Variants in DELE1 observed in about 807,000 individuals in gnomAD.
The protein encoded by DELE1 is DAP3 binding cell death enhancer 1.
A neutral mutation model predicts 59.3 loss-of-function variants in DELE1; 54 were observed. That is an observed-to-expected ratio of 0.91 (90% CI 0.73 to 1.14). DELE1 has a LOEUF of 1.14. Ranked by LOEUF, DELE1 falls within the 50% of genes most tolerant of loss-of-function variation. The pLI is 0.00. For synonymous variants in DELE1, 264 were observed against 259.1 expected, an observed-to-expected ratio of 1.02 and a Z score of -0.18; for missense variants, 636 against 643.9, an observed-to-expected ratio of 0.99 and a Z score of 0.13.
At chr5:141,937,124 T>C (rs1430383656) in intron 10 of DELE1, 74 bp from the exon 11 acceptor site, 4 of 1,589,692 alleles carry the variant, frequency 2.5e-6, no homozygotes, top group Non-Finnish European at 3.4e-6. Flanking sequence ...TGACTTCATC[T>C]TCCTCCTCCC....
At chr5:141,931,188 A>G (rs991455888) in intron 7 of DELE1, 6 of 152,202 alleles carry the variant, frequency 3.9e-5, no homozygotes, top group Admixed American at 2.6e-4. Flanking sequence ...TTTTGTTTCA[A>G]TCTGGAGAAA....
chr5:141,941,706 G>A lies in DELE1; in HGVS notation c.*2947G>A. 2.0e-6 allele frequency: 2 copies of A among 985,262 alleles called. No individual in the cohort carries two copies. The highest frequency in any genetic ancestry group is 9.4e-5 in the South Asian group (2 of 21,266). 61.0% of individuals were successfully genotyped at this position (985,262 alleles called of 1,614,324 possible). A position where few individuals can be genotyped will look rare whatever the true frequency, so the allele number is the denominator to read the frequency against. ...CCCTATCCGGAGATGCTGTTTTCAGGGAGTCCTGACACTATGATGGGAACA... is the reference window on the plus strand; with the variant it reads ...CCCTATCCGGAGATGCTGTTTTCAGAGAGTCCTGACACTATGATGGGAACA... On this transcript the variant is annotated 3_prime_UTR_variant, in exon 12 of 12. Coordinates refer to ENST00000432126, the MANE Select transcript of DELE1 (RefSeq NM_014773.5).
chr5:141,933,580 C>T (rs1752112763), intron 8 of DELE1, 179 bp downstream of exon 8: 2 of 369,274 alleles, frequency 5.4e-6, no homozygotes, highest in East Asian at 8.4e-5. Context: ...ACTCAAAATT[C>T]AGGGAGGGCA....
chr5:141,941,433 G>A lies in DELE1; in HGVS notation c.*2674G>A. ...GTTGTCAAGGGACCAAAAATCCTTG[G>A]CTGTTCAGTCACTGCGGTCTTGATC... On this transcript the variant is annotated 3_prime_UTR_variant, in exon 12 of 12. Coordinates refer to ENST00000432126, the MANE Select transcript of DELE1 (RefSeq NM_014773.5). 1 of 985,278 alleles carries A rather than the reference G, an allele frequency of 1.0e-6. No homozygotes were observed. Among genetic ancestry groups the A allele is most frequent in the Non-Finnish European group, 1.2e-6 (1 of 829,768 alleles). 61.0% of individuals were successfully genotyped at this position (985,278 alleles called of 1,614,324 possible).
chr5:141,931,084 T>C (rs351259), intron 7 of DELE1: 36,572 of 152,190 alleles, frequency 0.24, 5,462 homozygotes, highest in Non-Finnish European at 0.34. Flanking sequence ...AATAAAGGAA[T>C]GTGTTAGTGA....
intron 10 of DELE1, chr5:141,935,035 ATAAC>A (rs1302106992): frequency 1.2e-5 from 2 of 166,006 alleles, no homozygotes; most frequent in African/African-American, 4.8e-5. Context: ...TCTAACTGAG[ATAAC>A]TAACAGGTGT....
rs919143594 is a variant in DELE1 at position 141,941,667 on chromosome 5, T to C, written c.*2908T>C. 3 of 985,354 alleles carry C rather than the reference T, an allele frequency of 3.0e-6. No homozygotes were observed. Among genetic ancestry groups the C allele is most frequent in the Middle Eastern group, 5.2e-4 (1 of 1,934 alleles). The allele number at this position is 985,354 out of a possible 1,614,324, so 61.0% of individuals were successfully genotyped here. The stretch of plus-strand genomic sequence containing the variant: ...CCAATGAGACCTTTGTGGGAAGCTC[T>C]ACTGCCTCAGTTTCCCTATCCGGAG... On this transcript the variant is annotated 3_prime_UTR_variant, in exon 12 of 12. Transcript: ENST00000432126.
rs764130508 is a variant in DELE1, at chr5:141,925,495, TC to T, written c.236del (p.Pro79ArgfsTer37). 45 of 1,602,882 alleles carry T rather than the reference TC, an allele frequency of 2.8e-5. No individual in the cohort carries two copies. Among genetic ancestry groups the T allele is most frequent in the Admixed American group, 1.7e-5 (1 of 58,424 alleles). On this transcript the variant is annotated frameshift_variant, in exon 3 of 12. Coordinates refer to ENST00000432126, the MANE Select transcript of DELE1 (RefSeq NM_014773.5). LOFTEE classifies it high-confidence loss of function. ...CTTCCAATGGATGTCTTCCCGTGTC[TC>T]CCCGAACACCCTATGGGATGCCATA... ...DAFQWMSSRV[S>X]PNTLWDAISW... is the part of the protein sequence containing the mutation.
intron 11 of DELE1, among the ~76,000 whole-genome samples, chr5:141,937,575 C>T (rs1752461010): frequency 6.6e-6 from 1 of 151,680 alleles, no homozygotes; most frequent in South Asian, 2.1e-4. Context: ...TCGAGACCCT[C>T]CTGGCTAACA....
At chr5:141,937,770 CAAAAA>C (rs1172381549) in intron 11 of DELE1, among the ~76,000 whole-genome samples, 6 of 61,268 alleles carry the variant, frequency 9.8e-5, no homozygotes, top group Non-Finnish European at 1.5e-4. Context: ...GATTCTGTTT[CAAAAA>C]AAAAAAAAAA....
chr5:141,930,106 A>G (rs759260447), intron 6 of DELE1, 32 bp downstream of exon 6: 34 of 1,609,204 alleles, frequency 2.1e-5, no homozygotes, highest in Non-Finnish European at 2.9e-5. Context: ...CTGGATCCCC[A>G]TAACATTCTC....
chr5:141,925,381 ACTTGATAGC>A lies in DELE1; in HGVS notation c.147-26_147-18del. On this transcript the variant is annotated intron_variant, in intron 2 of 11. Coordinates refer to ENST00000432126, the MANE Select transcript of DELE1 (RefSeq NM_014773.5). Reference sequence around the variant, plus strand: ...CAGTCCCTGGTCTCCCTTTGCCCCTACTTGATAGCCTCTTATTTCATCATCTAGGTCAGG... The same window carrying A: ...CAGTCCCTGGTCTCCCTTTGCCCCTACTCTTATTTCATCATCTAGGTCAGG... 2 of 1,485,510 alleles carry A rather than the reference ACTTGATAGC, an allele frequency of 1.3e-6. No homozygotes were observed. The highest frequency in any genetic ancestry group is 1.8e-4 in the Middle Eastern group (1 of 5,640). 92.0% of individuals were successfully genotyped at this position (1,485,510 alleles called of 1,614,324 possible). A position where few individuals can be genotyped will look rare whatever the true frequency, so the allele number is the denominator to read the frequency against.
At position 141,933,344 on chromosome 5, in the gene DELE1, GT is replaced by G; in HGVS notation, c.841del (p.Tyr281ThrfsTer62). 1 of 1,552,104 alleles carries G rather than the reference GT, an allele frequency of 6.4e-7. No individual in the cohort carries two copies. Among genetic ancestry groups the G allele is most frequent in the East Asian group, 2.3e-5 (1 of 43,032 alleles). On this transcript the variant is annotated frameshift_variant, in exon 8 of 12. Transcript: ENST00000432126. LOFTEE classifies it high-confidence loss of function. ...CAGCCCGCGGCTACAGCAAAGCGCA[GT>G]ACAATGCGGGCTTGTGTCATGAGCA... ...AAARGYSKAQYNAGLCHEHGR... is the reference protein window; with the variant it reads ...AAARGYSKAQXNAGLCHEHGR...
chr5:141,923,887 C>T lies in DELE1; in HGVS notation c.-55C>T. ...CGCGGCGGCCTTTCTAGCCGCTGTCCCAAGGGTTGGTCTCGCGCTTTCGGC... is the reference window on the plus strand; with the variant it reads ...CGCGGCGGCCTTTCTAGCCGCTGTCTCAAGGGTTGGTCTCGCGCTTTCGGC... On this transcript the variant is annotated 5_prime_UTR_variant, in exon 1 of 12. Transcript: ENST00000432126. 3.8e-6 allele frequency: 6 copies of T among 1,569,132 alleles called. No individual in the cohort carries two copies. The highest frequency in any genetic ancestry group is 1.7e-4 in the Middle Eastern group (1 of 6,002).
rs1452227183 is a variant in DELE1 at position 141,942,007 on chromosome 5, G to A, written c.*3248G>A. ...CACACGGTTTCCTGTGCTACTTCTGGCACTTAGTAATTATTCAATAAACAC... is the reference window on the plus strand; with the variant it reads ...CACACGGTTTCCTGTGCTACTTCTGACACTTAGTAATTATTCAATAAACAC... On this transcript the variant is annotated 3_prime_UTR_variant, in exon 12 of 12. Transcript: ENST00000432126. 2 of 985,158 alleles carry A rather than the reference G, an allele frequency of 2.0e-6. No individual in the cohort carries two copies. Among genetic ancestry groups the A allele is most frequent in the Non-Finnish European group, 2.4e-6 (2 of 829,946 alleles). 61.0% of individuals were successfully genotyped at this position (985,158 alleles called of 1,614,324 possible). A position where few individuals can be genotyped will look rare whatever the true frequency, so the allele number is the denominator to read the frequency against.
At chr5:141,925,999 C>T (rs1811234) in intron 3 of DELE1, among the ~76,000 whole-genome samples, 10,748 of 152,118 alleles carry the variant, frequency 0.071, 421 homozygotes, top group South Asian at 0.14. Context: ...CCTGCTTCAG[C>T]CTCCCAAGTA....
intron 10 of DELE1, among the ~76,000 whole-genome samples, chr5:141,935,763 G>A (rs1414110360): frequency 1.3e-5 from 2 of 152,224 alleles, no homozygotes; most frequent in South Asian, 2.1e-4. Context: ...TCAGACCAGC[G>A]TGCTAGCAGG....
At position 141,940,920 on chromosome 5, in the gene DELE1, AC is replaced by A; in HGVS notation, c.*2162del. ...ATAAGTTTGGGAAATGCTGCACCAG[AC>A]GTCCCCTTTTTATAGATTCACAATA... On this transcript the variant is annotated 3_prime_UTR_variant, in exon 12 of 12. Coordinates refer to ENST00000432126, the MANE Select transcript of DELE1 (RefSeq NM_014773.5). The A allele has an allele frequency of 1.0e-6, 1 of 978,398 alleles. No individual in the cohort carries two copies. Among genetic ancestry groups the A allele is most frequent in the Non-Finnish European group, 1.2e-6 (1 of 823,540 alleles). The allele number at this position is 978,398 out of a possible 1,614,324, so 60.6% of individuals were successfully genotyped here. A position where few individuals can be genotyped will look rare whatever the true frequency, so the allele number is the denominator to read the frequency against.
chr5:141,925,140 A>G (rs1751290519), intron 2 of DELE1, among the ~76,000 whole-genome samples: 1 of 151,904 alleles, frequency 6.6e-6, no homozygotes, highest in South Asian at 2.1e-4. Context: ...CATGTTAGCC[A>G]GGATGGTCTT....
Sources: gnomAD v4.1 joint callset for allele counts (sites outside exome capture counted in the v4.1 genomes callset) on GRCh38, gnomAD v4.1.1 for gene constraint, MANE v1.5 for transcripts, NCBI Gene and HGNC (gene_info 2026-07-23, HGNC 2026-07-21) for gene names.